Variants in PIP4P2 observed in about 807,000 individuals in gnomAD.
PIP4P2 encodes the protein phosphatidylinositol-4,5-bisphosphate 4-phosphatase 2, also known as type 2 phosphatidylinositol 4,5-bisphosphate 4-phosphatase.
PIP4P2 carries 19 observed loss-of-function variants against 33.3 expected under a neutral mutation model. That is an observed-to-expected ratio of 0.57 (90% CI 0.40 to 0.84). The LOEUF is 0.84. PIP4P2 is among the 40% of genes least tolerant of loss of function. The pLI, the probability that PIP4P2 is intolerant of heterozygous loss-of-function variation, is 0.00. For synonymous variants in PIP4P2, 110 were observed against 111.9 expected, an observed-to-expected ratio of 0.98 and a Z score of 0.11; for missense variants, 270 against 324.7, an observed-to-expected ratio of 0.83 and a Z score of 1.29.
chr8:91,001,856 T>C (rs1036838950), intron 5 of PIP4P2, among the ~76,000 whole-genome samples: 1 of 152,084 alleles, frequency 6.6e-6, no homozygotes, highest in Admixed American at 6.6e-5. Flanking sequence ...GGTGCTTTCC[T>C]ACATACAGAA....
At chr8:91,020,880 G>A (rs1811998794) in intron 2 of PIP4P2, among the ~76,000 whole-genome samples, 1 of 152,102 alleles carries the variant, frequency 6.6e-6, no homozygotes, top group African/African-American at 2.4e-5. Context: ...CACATAAATA[G>A]GGCAAAGTTT....
At chr8:91,023,403 C>T (rs1469023885) in intron 1 of PIP4P2, among the ~76,000 whole-genome samples, 1 of 142,050 alleles carries the variant, frequency 7.0e-6, no homozygotes, top group Admixed American at 7.0e-5. Flanking sequence ...CATATTGCTA[C>T]ACTACATAAA....
intron 1 of PIP4P2, among the ~76,000 whole-genome samples, chr8:91,027,261 A>G (rs1256434366): frequency 1.3e-5 from 2 of 152,186 alleles, no homozygotes; most frequent in Non-Finnish European, 2.9e-5. Flanking sequence ...AATGAGACCA[A>G]CTGATTGTAC....
At chr8:91,004,258 T>C (rs1251881068) in intron 5 of PIP4P2, among the ~76,000 whole-genome samples, 1 of 151,668 alleles carries the variant, frequency 6.6e-6, no homozygotes, top group Non-Finnish European at 1.5e-5. Flanking sequence ...GGAGTTCTGA[T>C]GTTCAAGGGC....
At chr8:91,029,898 C>G (rs558136695) in intron 1 of PIP4P2, among the ~76,000 whole-genome samples, 56 of 152,146 alleles carry the variant, frequency 3.7e-4, no homozygotes, top group African/African-American at 1.2e-3. Flanking sequence ...ACCTGGGAGG[C>G]AGAGCTTGCA....
At chr8:90,999,010 T>C (rs1220643968) in intron 5 of PIP4P2, among the ~76,000 whole-genome samples, 1 of 152,038 alleles carries the variant, frequency 6.6e-6, no homozygotes, top group African/African-American at 2.4e-5. Context: ...GAGAAAAATT[T>C]TGCAAACTAT....
intron 5 of PIP4P2, among the ~76,000 whole-genome samples, chr8:91,004,140 G>A (rs941624058): frequency 3.9e-5 from 6 of 152,186 alleles, no homozygotes; most frequent in African/African-American, 1.4e-4. Flanking sequence ...AAGTCCAAAA[G>A]CCTCAGAATC....
At chr8:90,996,802 T>C (rs1443831201) in intron 5 of PIP4P2, 58 bp from the exon 6 acceptor site, 2 of 1,405,526 alleles carry the variant, frequency 1.4e-6, no homozygotes, top group Non-Finnish European at 1.9e-6. Flanking sequence ...ATTCTCTATT[T>C]CATTTTTGTG....
At chr8:91,038,876 T>C (rs1400816907) in intron 1 of PIP4P2, among the ~76,000 whole-genome samples, 1 of 152,298 alleles carries the variant, frequency 6.6e-6, no homozygotes, top group East Asian at 1.9e-4. Context: ...TTTTGCTAAG[T>C]CATTGAATTT....
intron 2 of PIP4P2, among the ~76,000 whole-genome samples, chr8:91,020,589 A>C (rs1005850826): frequency 2.6e-5 from 4 of 152,202 alleles, no homozygotes; most frequent in African/African-American, 9.6e-5. Context: ...TATGAAAGAA[A>C]TATATTTCAT....
chr8:91,040,217 G>C (rs1380399693), intron 1 of PIP4P2, among the ~76,000 whole-genome samples: 1 of 152,178 alleles, frequency 6.6e-6, no homozygotes, highest in Non-Finnish European at 1.5e-5. Flanking sequence ...ATGCCAAGGT[G>C]AGCAATACTC....
intron 1 of PIP4P2, among the ~76,000 whole-genome samples, chr8:91,021,746 T>TA (rs1457400556): frequency 6.6e-6 from 1 of 152,112 alleles, no homozygotes; most frequent in Non-Finnish European, 1.5e-5. Flanking sequence ...ATGCCTACAA[T>TA]AAAAATTTTA....
At chr8:91,026,309 G>A (rs190726713) in intron 1 of PIP4P2, among the ~76,000 whole-genome samples, 4 of 152,206 alleles carry the variant, frequency 2.6e-5, no homozygotes, top group African/African-American at 9.6e-5. Context: ...TGGGAACACT[G>A]AAGTCAGTTT....
Position 91,021,369 on chromosome 8 carries a change from G to T in PIP4P2, c.142C>A (p.Pro48Thr), listed in dbSNP as rs1812006634. ...ATTACTGGAATACCACTGGCGTCTG[G>T]ACTGGCAATGGCTGTATATGGAGGT... ...LPPPYTAIAS[P>T]DASGIPVINC... The change falls in exon 2 of 7, where the codon CCA becomes ACA. Residue 48 changes from proline to threonine, a missense_variant. Pro to Thr is a conservative substitution (Grantham distance 38). Coordinates refer to ENST00000285419, the MANE Select transcript of PIP4P2 (RefSeq NM_018710.3). 6.2e-7 allele frequency: 1 copy of T among 1,613,826 alleles called. No individual in the cohort carries two copies. Among genetic ancestry groups the T allele is most frequent in the Non-Finnish European group, 8.5e-7 (1 of 1,179,804 alleles).
intron 4 of PIP4P2, among the ~76,000 whole-genome samples, chr8:91,009,908 A>G (rs928588411): frequency 2.6e-5 from 4 of 151,898 alleles, no homozygotes; most frequent in Non-Finnish European, 5.9e-5. Flanking sequence ...TATAGTCCCA[A>G]GATAAATAAA....
chr8:91,016,314 A>C (rs1017999724), intron 4 of PIP4P2, among the ~76,000 whole-genome samples: 2 of 152,188 alleles, frequency 1.3e-5, no homozygotes, highest in Non-Finnish European at 2.9e-5. Context: ...AAAACCAAAA[A>C]AATGGAATGG....
Position 90,995,410 on chromosome 8 carries a change from GT to G in PIP4P2, c.*266del, listed in dbSNP as rs1811614449. 1 of 242,068 alleles carries G rather than the reference GT, an allele frequency of 4.1e-6. No individual in the cohort carries two copies. The highest frequency in any genetic ancestry group is 5.5e-5 in the Admixed American group (1 of 18,050). 15.0% of individuals were successfully genotyped at this position (242,068 alleles called of 1,614,324 possible). ...ATAAAAGGGTGAGAGTAAATGTAAT[GT>G]TTGGTAACAAATCCAAAAATATCTA... On this transcript the variant is annotated 3_prime_UTR_variant, in exon 7 of 7. Coordinates refer to ENST00000285419, the MANE Select transcript of PIP4P2 (RefSeq NM_018710.3).
chr8:91,039,504 C>A (rs576287606), intron 1 of PIP4P2, among the ~76,000 whole-genome samples: 59 of 152,314 alleles, frequency 3.9e-4, no homozygotes, highest in African/African-American at 1.4e-3. Flanking sequence ...GCAAGTTCAA[C>A]CTGCTCTACA....
At chr8:91,004,166 G>C (rs763952042) in intron 5 of PIP4P2, among the ~76,000 whole-genome samples, 5 of 152,148 alleles carry the variant, frequency 3.3e-5, no homozygotes, top group African/African-American at 1.2e-4. Context: ...AGCCAATGGC[G>C]TAATTCTCAG....
Sources: gnomAD v4.1 joint callset for allele counts (sites outside exome capture counted in the v4.1 genomes callset) on GRCh38, gnomAD v4.1.1 for gene constraint, MANE v1.5 for transcripts, NCBI Gene and HGNC (gene_info 2026-07-23, HGNC 2026-07-21) for gene names.